Variants in YWHAG observed in about 807,000 individuals in gnomAD.
The protein encoded by YWHAG is 14-3-3 protein gamma.
A neutral mutation model predicts 23.3 loss-of-function variants in YWHAG; 1 was observed. The ratio of observed to expected loss-of-function variants is 0.04; its 90% CI spans 0.02 to 0.20. The LOEUF (loss-of-function observed/expected upper bound fraction) is 0.20. YWHAG is among the 10% of genes least tolerant of loss of function. The pLI, the probability that YWHAG is intolerant of heterozygous loss-of-function variation, is 1.00. For synonymous variants in YWHAG, 160 were observed against 144.0 expected (o/e 1.11, Z -0.80); for missense variants, 151 against 338.6 (o/e 0.45, Z 4.35).
At chr7:76,335,777 C>G (rs1030963229) in intron 1 of YWHAG, among the ~76,000 whole-genome samples, 1 of 152,162 alleles carries the variant, frequency 6.6e-6, no homozygotes, top group Non-Finnish European at 1.5e-5. Context: ...ATGGCGAAAC[C>G]CTGTCTCTAC....
intron 1 of YWHAG, among the ~76,000 whole-genome samples, chr7:76,341,275 G>A (rs1050271222): frequency 1.3e-5 from 2 of 151,634 alleles, no homozygotes; most frequent in Non-Finnish European, 2.9e-5. Context: ...ATGGTGGCTC[G>A]CACCTGTAAT....
intron 1 of YWHAG, among the ~76,000 whole-genome samples, chr7:76,346,375 G>T (rs149746407): frequency 7.9e-5 from 12 of 152,286 alleles, no homozygotes; most frequent in Non-Finnish European, 1.0e-4. Context: ...GATACAAAGC[G>T]GCTCCCTCTT....
Position 76,348,861 on chromosome 7 carries a change from T to C in YWHAG, c.87+9861A>G, listed in dbSNP as rs186069885. Among the ~76,000 whole-genome samples, 179 of 139,698 alleles carry C rather than the reference T, an allele frequency of 1.3e-3. 8 individuals are homozygous for C. In the South Asian group the frequency reaches 0.036, roughly 28 times the overall value. 91.6% of individuals were successfully genotyped at this position (139,698 alleles called of 152,430 possible). On this transcript the variant is annotated intron_variant, in intron 1 of 1. Transcript: ENST00000307630. Reference sequence around the variant, plus strand: ...CCCAAAGTGCTGGGATTACAAACCATGAGCCTTAGACTTTGAAAAAAAAAA... The same window carrying C: ...CCCAAAGTGCTGGGATTACAAACCACGAGCCTTAGACTTTGAAAAAAAAAA...
At chr7:76,334,728 A>T (rs1803593164) in intron 1 of YWHAG, among the ~76,000 whole-genome samples, 1 of 143,964 alleles carries the variant, frequency 6.9e-6, no homozygotes, top group Admixed American at 6.9e-5. Context: ...CTTCTTCTTT[A>T]AAAAAAAAAA....
Position 76,328,584 on chromosome 7 carries a change from G to A in YWHAG, c.*993C>T, listed in dbSNP as rs930922889. On this transcript the variant is annotated 3_prime_UTR_variant, in exon 2 of 2. Coordinates refer to ENST00000307630, the MANE Select transcript of YWHAG (RefSeq NM_012479.4). Reference sequence around the variant, plus strand: ...ACCCAGCTGCGTCCGCCAGCACGAGGCGCAGTAGGAAACGCCCCAGTGCAG... The same window carrying A: ...ACCCAGCTGCGTCCGCCAGCACGAGACGCAGTAGGAAACGCCCCAGTGCAG... The A allele has an allele frequency of 6.6e-6, 1 of 152,340 alleles. No homozygotes were observed. Among genetic ancestry groups the A allele is most frequent in the African/African-American group, 2.4e-5 (1 of 41,564 alleles). The allele number at this position is 152,340 out of a possible 1,614,324, so 9.4% of individuals were successfully genotyped here.
At chr7:76,333,800 C>G (rs962110733) in intron 1 of YWHAG, among the ~76,000 whole-genome samples, 2 of 152,256 alleles carry the variant, frequency 1.3e-5, no homozygotes, top group Non-Finnish European at 2.9e-5. Context: ...AAGGAGAGGC[C>G]AGCGTGCCGA....
chr7:76,351,465 T>C (rs1041005009), intron 1 of YWHAG, among the ~76,000 whole-genome samples: 7 of 152,082 alleles, frequency 4.6e-5, no homozygotes, highest in Non-Finnish European at 8.8e-5. Context: ...ATGTGAAGGT[T>C]TGAAAATAAT....
At chr7:76,348,067 G>A (rs959824373) in intron 1 of YWHAG, among the ~76,000 whole-genome samples, 1 of 152,062 alleles carries the variant, frequency 6.6e-6, no homozygotes, top group Non-Finnish European at 1.5e-5. Context: ...TAGATGACAC[G>A]CCACCACCTC....
chr7:76,327,052 T>C lies in YWHAG; in HGVS notation c.*2525A>G, dbSNP rs531452214. 1 of 152,644 alleles carries C rather than the reference T, an allele frequency of 6.6e-6. No homozygotes were observed. The highest frequency in any genetic ancestry group is 1.5e-5 in the Non-Finnish European group (1 of 68,040). 9.5% of individuals were successfully genotyped at this position (152,644 alleles called of 1,614,324 possible). A position where few individuals can be genotyped will look rare whatever the true frequency, so the allele number is the denominator to read the frequency against. ...CACTGTAATAGTTATAATTTCACCA[T>C]GACAAACACCAGACATTAAGATTAA... On this transcript the variant is annotated 3_prime_UTR_variant, in exon 2 of 2. Transcript: ENST00000307630.
intron 1 of YWHAG, among the ~76,000 whole-genome samples, chr7:76,330,696 C>T (rs577099071): frequency 6.6e-6 from 1 of 152,284 alleles, no homozygotes; most frequent in African/African-American, 2.4e-5. Flanking sequence ...TGCTCATATG[C>T]CAACACCATG....
intron 1 of YWHAG, among the ~76,000 whole-genome samples, chr7:76,344,117 A>T (rs1050916269): frequency 1.3e-5 from 2 of 148,948 alleles, no homozygotes; most frequent in African/African-American, 4.9e-5. Context: ...ACAATTAGGA[A>T]TTTTTTTTTT....
chr7:76,337,391 A>T (rs1803631363), intron 1 of YWHAG, among the ~76,000 whole-genome samples: 1 of 151,972 alleles, frequency 6.6e-6, no homozygotes, highest in Non-Finnish European at 1.5e-5. Context: ...CTCTAACAAG[A>T]CCCCTGGTAG....
intron 1 of YWHAG, 53 bp downstream of exon 1, chr7:76,358,669 G>A: frequency 6.6e-7 from 1 of 1,512,454 alleles, no homozygotes; most frequent in Non-Finnish European, 9.0e-7. Context: ...CCACGCCAAG[G>A]ACCGCGTCTT....
At chr7:76,338,181 C>T (rs1252324333) in intron 1 of YWHAG, among the ~76,000 whole-genome samples, 1 of 152,192 alleles carries the variant, frequency 6.6e-6, no homozygotes, top group Non-Finnish European at 1.5e-5. Flanking sequence ...GAGTATCAGT[C>T]ACAGAGGTAT....
intron 1 of YWHAG, among the ~76,000 whole-genome samples, chr7:76,346,300 A>G (rs765135502): frequency 1.8e-4 from 27 of 152,148 alleles, no homozygotes; most frequent in Middle Eastern, 3.4e-3. Flanking sequence ...AGCGCTTTAC[A>G]CTGTGACACA....
chr7:76,329,489 T>TCCCCC lies in YWHAG; in HGVS notation c.*87_*88insGGGGG. On this transcript the variant is annotated 3_prime_UTR_variant, in exon 2 of 2. Transcript: ENST00000307630. The surrounding 1 kb of genome is among the most constrained non-coding windows in gnomAD (Gnocchi z 6.1). The stretch of plus-strand genomic sequence containing the variant: ...TCCCTGGGAAGGTCATCCCTCCCTT[T>TCCCCC]CCCTCCCCCACCCGACCCCCAACTC... 9.8e-7 allele frequency: 1 copy of TCCCCC among 1,024,228 alleles called. No individual in the cohort carries two copies. The highest frequency in any genetic ancestry group is 1.4e-6 in the Non-Finnish European group (1 of 740,082). 63.4% of individuals were successfully genotyped at this position (1,024,228 alleles called of 1,614,324 possible).
At chr7:76,349,823 G>T (rs1563667518) in intron 1 of YWHAG, among the ~76,000 whole-genome samples, 1 of 152,004 alleles carries the variant, frequency 6.6e-6, no homozygotes, top group African/African-American at 2.4e-5. Flanking sequence ...GTGAAACCTG[G>T]TCTCTATTAA....
chr7:76,356,609 T>A (rs1803964547), intron 1 of YWHAG, among the ~76,000 whole-genome samples: 1 of 152,256 alleles, frequency 6.6e-6, no homozygotes, highest in Non-Finnish European at 1.5e-5. Flanking sequence ...ACTAGTGTCA[T>A]AAACTATATT....
At position 76,358,921 on chromosome 7, in the gene YWHAG, C is replaced by G. The variant is rs1296518931; in HGVS notation, c.-113G>C. On this transcript the variant is annotated 5_prime_UTR_variant, in exon 1 of 2. Coordinates refer to ENST00000307630, the MANE Select transcript of YWHAG (RefSeq NM_012479.4). Reference sequence around the variant, plus strand: ...GGAGAGGACCGACCCACAGAGCGAGCAGCTGAGGCGGCGGCTGCGCGGAGG... The same window carrying G: ...GGAGAGGACCGACCCACAGAGCGAGGAGCTGAGGCGGCGGCTGCGCGGAGG... The G allele has an allele frequency of 9.9e-6, 10 of 1,009,932 alleles. No homozygotes were observed. Among genetic ancestry groups the G allele is most frequent in the South Asian group, 4.5e-5 (2 of 44,812 alleles). 62.6% of individuals were successfully genotyped at this position (1,009,932 alleles called of 1,614,324 possible).
Sources: gnomAD v4.1 joint callset for allele counts (sites outside exome capture counted in the v4.1 genomes callset) on GRCh38, gnomAD v4.1.1 for gene constraint, Gnocchi (gnomAD v3.1) non-coding constraint, MANE v1.5 for transcripts, NCBI Gene and HGNC (gene_info 2026-07-23, HGNC 2026-07-21) for gene names.